Variants in CPXM2 observed in about 807,000 individuals in gnomAD.
CPXM2 encodes the protein inactive carboxypeptidase-like protein X2.
In CPXM2, 66 loss-of-function variants were observed where a neutral mutation model predicts 86.1. The ratio of observed to expected loss-of-function variants is 0.77; its 90% confidence interval spans 0.63 to 0.94. The LOEUF (loss-of-function observed/expected upper bound fraction) is 0.94. Ranked by LOEUF, CPXM2 falls within the 40% of genes least tolerant of loss-of-function variation. The pLI is 0.00. For synonymous variants in CPXM2, 388 were observed against 400.2 expected (o/e 0.97, Z 0.36); for missense variants, 948 against 1,026.3 (o/e 0.92, Z 1.04).
At chr10:123,870,502 C>T (rs1023324097) in intron 2 of CPXM2, among the ~76,000 whole-genome samples, 2 of 152,220 alleles carry the variant, frequency 1.3e-5, no homozygotes, top group African/African-American at 2.4e-5. Context: ...TTCTTGCCTT[C>T]GCCTTTCTGA....
intron 12 of CPXM2, among the ~76,000 whole-genome samples, chr10:123,756,017 G>A (rs193212193): frequency 2.6e-4 from 40 of 152,320 alleles, no homozygotes; most frequent in East Asian, 1.2e-3. Flanking sequence ...GCAGCTCACC[G>A]GGGGCTGGGT....
At chr10:123,883,794 C>T (rs1039372585) in intron 1 of CPXM2, among the ~76,000 whole-genome samples, 2 of 152,148 alleles carry the variant, frequency 1.3e-5, no homozygotes, top group Non-Finnish European at 2.9e-5. Flanking sequence ...TCATGGACAG[C>T]ACACAGGCCC....
chr10:123,938,851 G>A (rs564590868), intron 2 of CPXM2, among the ~76,000 whole-genome samples: 2 of 152,156 alleles, frequency 1.3e-5, no homozygotes, highest in Admixed American at 1.3e-4. Context: ...GGAAATGCAG[G>A]TGGGACCCAG....
chr10:123,855,455 G>A (rs920337876), intron 3 of CPXM2, among the ~76,000 whole-genome samples: 2 of 152,196 alleles, frequency 1.3e-5, no homozygotes, highest in Non-Finnish European at 2.9e-5. Flanking sequence ...CCACAGGCAG[G>A]TGTGGGTCGG....
chr10:123,834,566 T>C (rs1848240320), intron 4 of CPXM2, among the ~76,000 whole-genome samples: 1 of 152,124 alleles, frequency 6.6e-6, no homozygotes, highest in Admixed American at 6.5e-5. Context: ...GCAGCAGGCC[T>C]GGTGTGTTTG....
chr10:123,755,951 TTGAG>T (rs1171536535), intron 12 of CPXM2, among the ~76,000 whole-genome samples: 1 of 152,208 alleles, frequency 6.6e-6, no homozygotes, highest in Non-Finnish European at 1.5e-5. Context: ...CAGGAATTCC[TTGAG>T]TGAGAGGTTC....
chr10:123,860,462 T>C (rs993104049), intron 3 of CPXM2, among the ~76,000 whole-genome samples: 1 of 152,152 alleles, frequency 6.6e-6, no homozygotes, highest in African/African-American at 2.4e-5. Context: ...AATTCCCAAC[T>C]GGAGGGACAA....
intron 3 of CPXM2, 46 bp downstream of exon 3, chr10:123,862,568 C>G: frequency 6.5e-7 from 1 of 1,527,836 alleles, no homozygotes; most frequent in Non-Finnish European, 9.1e-7. Flanking sequence ...GGAACCAGAG[C>G]AATAAACAAG....
intron 3 of CPXM2, among the ~76,000 whole-genome samples, chr10:123,858,894 T>C (rs1848796706): frequency 6.6e-6 from 1 of 152,262 alleles, no homozygotes. Context: ...CAATTCTTTT[T>C]CTTTACTCCT....
intron 6 of CPXM2, among the ~76,000 whole-genome samples, chr10:123,794,071 TAC>T (rs986538931): frequency 2.6e-5 from 4 of 152,228 alleles, no homozygotes; most frequent in Admixed American, 6.5e-5. Context: ...GGAGGAAGGA[TAC>T]AGTGTGTCAC....
At chr10:123,918,659 T>G (rs1162591634) in intron 2 of CPXM2, among the ~76,000 whole-genome samples, 2 of 152,188 alleles carry the variant, frequency 1.3e-5, no homozygotes, top group Non-Finnish European at 2.9e-5. Context: ...AATCCGCATT[T>G]TGTTTTCCTT....
rs1846154778 is a variant in CPXM2 at position 123,754,516 on chromosome 10, A to G, written c.2017+147T>C. The G allele has an allele frequency of 6.5e-6, 4 of 612,446 alleles. No homozygotes were observed. Among genetic ancestry groups the G allele is most frequent in the African/African-American group, 1.8e-5 (1 of 54,372 alleles). The allele number at this position is 612,446 out of a possible 1,614,324, so 37.9% of individuals were successfully genotyped here. A position where few individuals can be genotyped will look rare whatever the true frequency, so the allele number is the denominator to read the frequency against. Reference sequence around the variant, plus strand: ...AAACCTCCCTTCCAAGGGTCTCTTGAAAAGTGGGAAATTTAGAGGAAGGAG... The same window carrying G: ...AAACCTCCCTTCCAAGGGTCTCTTGGAAAGTGGGAAATTTAGAGGAAGGAG... On this transcript the variant is annotated intron_variant, in intron 13 of 13. Coordinates refer to ENST00000241305, the MANE Select transcript of CPXM2 (RefSeq NM_198148.3). The surrounding 1 kb of genome is among the most constrained non-coding windows in gnomAD (Gnocchi z 4.0).
intron 2 of CPXM2, among the ~76,000 whole-genome samples, chr10:123,910,482 G>T (rs186668192): frequency 6.6e-6 from 1 of 152,116 alleles, no homozygotes; most frequent in African/African-American, 2.4e-5. Flanking sequence ...TTCCCAGGGG[G>T]AGTTCTCCTG....
chr10:123,915,579 G>A (rs1273429613), intron 2 of CPXM2, among the ~76,000 whole-genome samples: 1 of 152,004 alleles, frequency 6.6e-6, no homozygotes, highest in East Asian at 1.9e-4. Context: ...AAAAATAAAA[G>A]CCCCACATAT....
At chr10:123,879,549 T>C (rs1352395428) in intron 2 of CPXM2, among the ~76,000 whole-genome samples, 2 of 152,186 alleles carry the variant, frequency 1.3e-5, no homozygotes, top group Non-Finnish European at 2.9e-5. Context: ...GCCTGGCTAC[T>C]ACATAAGTGC....
At position 123,762,057 on chromosome 10, in the gene CPXM2, C is replaced by G. The variant is rs201710320; in HGVS notation, c.1592G>C (p.Arg531Pro). The change falls in exon 11 of 14, where the codon CGG becomes CCG. Residue 531 changes from arginine to proline, a missense_variant. Transcript: ENST00000241305. ...LVVAYPYDLV[R>P]SPWKTQEHTP... The stretch of plus-strand genomic sequence containing the variant: ...GTGTTCCTGCGTCTTCCAGGGGGAC[C>G]GCACCAGGTCGTAGGGGTACGCCAC... 6.2e-7 allele frequency: 1 copy of G among 1,613,998 alleles called. No individual in the cohort carries two copies. The highest frequency in any genetic ancestry group is 8.5e-7 in the Non-Finnish European group (1 of 1,180,000).
chr10:123,826,024 G>C (rs1040660566), intron 4 of CPXM2, among the ~76,000 whole-genome samples: 3 of 152,160 alleles, frequency 2.0e-5, no homozygotes, highest in African/African-American at 4.8e-5. Context: ...CCAGCAATCA[G>C]TACAAACATC....
chr10:123,753,480 C>T (rs1371851448), intron 13 of CPXM2, among the ~76,000 whole-genome samples: 7 of 152,206 alleles, frequency 4.6e-5, no homozygotes, highest in Admixed American at 2.6e-4. Flanking sequence ...CCCCACTAAC[C>T]CCTTAACCAT....
intron 1 of CPXM2, among the ~76,000 whole-genome samples, chr10:123,884,267 T>TC (rs1945145262): frequency 6.6e-6 from 1 of 152,088 alleles, no homozygotes; most frequent in Non-Finnish European, 1.5e-5. Context: ...TCTCTGGGGC[T>TC]CCCCAGAATT....
Sources: allele counts gnomAD v4.1 joint callset (sites outside exome capture counted in the v4.1 genomes callset), GRCh38; gene constraint gnomAD v4.1.1; non-coding constraint Gnocchi (gnomAD v3.1); transcripts MANE v1.5; gene names NCBI Gene and HGNC (gene_info 2026-07-23, HGNC 2026-07-21).